Variants in EXD3 observed in about 807,000 individuals in gnomAD.
The protein encoded by EXD3 is exonuclease 3'-5' domain containing 3.
A neutral mutation model predicts 98.0 loss-of-function variants in EXD3; 92 were observed. That is an observed-to-expected ratio of 0.94 (90% CI 0.79 to 1.12). The LOEUF is 1.12. EXD3 is among the 50% of genes most tolerant of loss of function. EXD3 has a pLI of 0.00. For synonymous variants in EXD3, 569 were observed against 526.0 expected (o/e 1.08, Z -1.12); for missense variants, 1,222 against 1,191.6 (o/e 1.03, Z -0.38).
At chr9:137,330,078 ACACAGGAGCTACACAGGGCTC>A (rs1407697994) in intron 17 of EXD3, among the ~76,000 whole-genome samples, 4 of 140,692 alleles carry the variant, frequency 2.8e-5, no homozygotes, top group South Asian at 2.4e-4. Context: ...CACAGGAACT[ACACAGGAGCTACACAGGGCTC>A]CACAGGAGCT....
Position 137,347,106 on chromosome 9 carries a change from C to T in EXD3, c.1998+965G>A, listed in dbSNP as rs1173889572. ...AGGGATTACAGGCGTGAGCACCCAG[C>T]CTCCATGTCATTTTTCTAATGCTGC... On this transcript the variant is annotated intron_variant, in intron 17 of 21. Transcript: ENST00000340951. The surrounding 1 kb of genome is among the most constrained non-coding windows in gnomAD (Gnocchi z 4.2). 1.3e-5 allele frequency among the ~76,000 whole-genome samples: 2 copies of T among 152,138 alleles called. No individual in the cohort carries two copies. Among genetic ancestry groups the T allele is most frequent in the African/African-American group, 4.8e-5 (2 of 41,418 alleles).
intron 5 of EXD3, among the ~76,000 whole-genome samples, chr9:137,370,536 G>C (rs1046566088): frequency 9.2e-5 from 14 of 151,618 alleles, no homozygotes; most frequent in Non-Finnish European, 2.1e-4. Context: ...AGACGAGGCT[G>C]TCCAGCTGGC....
chr9:137,404,142 A>C (rs1339724731), intron 1 of EXD3, among the ~76,000 whole-genome samples: 1 of 152,076 alleles, frequency 6.6e-6, no homozygotes, highest in Non-Finnish European at 1.5e-5. Context: ...GTCCTACTGG[A>C]TTAGGGCCCA....
rs1837753159 is a variant in EXD3 at position 137,407,099 on chromosome 9, C to T, written c.-47-11695G>A. On this transcript the variant is annotated intron_variant, in intron 1 of 21. Transcript: ENST00000340951. The surrounding 1 kb of genome is among the most constrained non-coding windows in gnomAD (Gnocchi z 4.4). ...ACCGGAGCGGGCGGGCGGGGGCGGCCTGCGGAGCAGCCAGTCCCGGGCACC... is the reference window on the plus strand; with the variant it reads ...ACCGGAGCGGGCGGGCGGGGGCGGCTTGCGGAGCAGCCAGTCCCGGGCACC... Among the ~76,000 whole-genome samples, 1 of 152,140 alleles carries T rather than the reference C, an allele frequency of 6.6e-6. No homozygotes were observed. The highest frequency in any genetic ancestry group is 6.5e-5 in the Admixed American group (1 of 15,274).
intron 17 of EXD3, among the ~76,000 whole-genome samples, chr9:137,346,827 G>A (rs1833961976): frequency 6.6e-6 from 1 of 151,910 alleles, no homozygotes; most frequent in Non-Finnish European, 1.5e-5. Context: ...TTTTTCTATT[G>A]TTTTGAGACG....
intron 19 of EXD3, among the ~76,000 whole-genome samples, chr9:137,318,360 C>T (rs546816071): frequency 5.3e-4 from 80 of 152,182 alleles, no homozygotes; most frequent in East Asian, 2.1e-3. Context: ...CAGCTCTGCC[C>T]GGGAGCCCTC....
rs1181730998 is a variant in EXD3 at position 137,403,270 on chromosome 9, G to T, written c.-47-7866C>A. ...TGGGGCCCCACTGTGAGTGACCTGA[G>T]GGGCCCCAGAAGATGCAGACCCGAA... On this transcript the variant is annotated intron_variant, in intron 1 of 21. Coordinates refer to ENST00000340951, the MANE Select transcript of EXD3 (RefSeq NM_017820.5). This position sits in a 1 kb window ranked among gnomAD's most constrained non-coding sequence, Gnocchi z 6.1. 1.3e-5 allele frequency among the ~76,000 whole-genome samples: 2 copies of T among 152,000 alleles called. No individual in the cohort carries two copies. Among genetic ancestry groups the T allele is most frequent in the South Asian group, 4.2e-4 (2 of 4,814 alleles).
chr9:137,374,271 A>C (rs1177800907), intron 3 of EXD3, among the ~76,000 whole-genome samples: 3 of 152,232 alleles, frequency 2.0e-5, no homozygotes, highest in Non-Finnish European at 4.4e-5. Flanking sequence ...ACGGGTTCAC[A>C]GCTCAGCGCT....
intron 7 of EXD3, among the ~76,000 whole-genome samples, chr9:137,361,938 G>C (rs1161952972): frequency 1.3e-5 from 2 of 152,002 alleles, no homozygotes; most frequent in African/African-American, 2.4e-5. Context: ...CATATAACAG[G>C]AGACTATTAT....
At chr9:137,402,469 A>C (rs1043290900) in intron 1 of EXD3, among the ~76,000 whole-genome samples, 2 of 152,230 alleles carry the variant, frequency 1.3e-5, no homozygotes, top group Non-Finnish European at 2.9e-5. Flanking sequence ...TTGCTAAAAG[A>C]TAACAAGAGT....
chr9:137,381,415 C>CAAAAAAAAA (rs61183889), intron 3 of EXD3, among the ~76,000 whole-genome samples: 14 of 50,840 alleles, frequency 2.8e-4, no homozygotes, highest in African/African-American at 4.7e-4. Context: ...GACTCCTTCT[C>CAAAAAAAAA]AAAAAAAAAA....
intron 1 of EXD3, among the ~76,000 whole-genome samples, chr9:137,404,085 C>T (rs548091357): frequency 1.3e-5 from 2 of 152,288 alleles, no homozygotes; most frequent in South Asian, 4.1e-4. Flanking sequence ...TCACGGGTCC[C>T]CCCATGTGCG....
At position 137,408,280 on chromosome 9, in the gene EXD3, C is replaced by T. The variant is rs146090627; in HGVS notation, c.-47-12876G>A. Among the ~76,000 whole-genome samples, 12 of 152,086 alleles carry T rather than the reference C, an allele frequency of 7.9e-5. No individual in the cohort carries two copies. The East Asian group carries it at 1.9e-3, about 25-fold the overall frequency. On this transcript the variant is annotated intron_variant, in intron 1 of 21. Transcript: ENST00000340951. ...TTGGGGTGGGGGGGCCGGGCATGGT[C>T]GCTCACGCCTGTAATCCCAGCACTT...
At chr9:137,308,844 G>T (rs1831205497) in intron 20 of EXD3, among the ~76,000 whole-genome samples, 1 of 152,038 alleles carries the variant, frequency 6.6e-6, no homozygotes, top group Admixed American at 6.5e-5. Context: ...CACCATGTTA[G>T]CCACCACCAT....
At chr9:137,416,310 G>T (rs1192222645) in intron 1 of EXD3, among the ~76,000 whole-genome samples, 5 of 152,214 alleles carry the variant, frequency 3.3e-5, no homozygotes, top group Non-Finnish European at 7.3e-5. Context: ...GGACCCACAG[G>T]GACAAAGGGG....
Position 137,349,819 on chromosome 9 carries a change from A to T in EXD3, c.1495-288T>A, listed in dbSNP as rs1345848812. On this transcript the variant is annotated intron_variant, in intron 14 of 21. Transcript: ENST00000340951. This position sits in a 1 kb window ranked among gnomAD's most constrained non-coding sequence, Gnocchi z 7.4. ...ACAGCCTCAGAGAGCCCGGGCCCTG[A>T]GTCTGTGTGGCCAGCTCTCTGTCTC... Among the ~76,000 whole-genome samples, 2 of 152,092 alleles carry T rather than the reference A, an allele frequency of 1.3e-5. No homozygotes were observed. Among genetic ancestry groups the T allele is most frequent in the Admixed American group, 1.3e-4 (2 of 15,286 alleles).
At chr9:137,370,794 T>C (rs1340135238) in intron 5 of EXD3, among the ~76,000 whole-genome samples, 5 of 148,680 alleles carry the variant, frequency 3.4e-5, no homozygotes, top group Non-Finnish European at 7.5e-5. Context: ...AGAGGGCCTT[T>C]TTTTTTTTTT....
At chr9:137,411,150 C>G (rs757452377) in intron 1 of EXD3, among the ~76,000 whole-genome samples, 2 of 152,194 alleles carry the variant, frequency 1.3e-5, no homozygotes, top group Non-Finnish European at 2.9e-5. Context: ...GCCGGCCCCC[C>G]GGGTGGGGAG....
At chr9:137,369,829 C>T (rs1835500021) in intron 5 of EXD3, among the ~76,000 whole-genome samples, 1 of 152,242 alleles carries the variant, frequency 6.6e-6, no homozygotes. Flanking sequence ...CTCAGCCCTT[C>T]TCTTCACCAC....
Sources: gnomAD v4.1 joint callset for allele counts (sites outside exome capture counted in the v4.1 genomes callset) on GRCh38, gnomAD v4.1.1 for gene constraint, Gnocchi (gnomAD v3.1) non-coding constraint, MANE v1.5 for transcripts, NCBI Gene and HGNC (gene_info 2026-07-23, HGNC 2026-07-21) for gene names.